ST8SIA1: variants seen among roughly 807,000 people sequenced by gnomAD.
ST8SIA1 encodes alpha-N-acetylneuraminide alpha-2,8-sialyltransferase.
ST8SIA1 carries 16 observed loss-of-function variants against 35.9 expected under a neutral mutation model. That is an observed-to-expected ratio of 0.45 (90% CI 0.30 to 0.68). ST8SIA1 has a LOEUF of 0.68. Ranked by LOEUF, ST8SIA1 falls within the 30% of genes least tolerant of loss-of-function variation. The pLI is 0.09. For synonymous variants in ST8SIA1, 170 were observed against 169.6 expected, an observed-to-expected ratio of 1.00 and a Z score of -0.02; for missense variants, 383 against 453.6, an observed-to-expected ratio of 0.84 and a Z score of 1.41.
chr12:22,288,902 T>G (rs950139434), intron 1 of ST8SIA1, among the ~76,000 whole-genome samples: 13 of 152,174 alleles, frequency 8.5e-5, no homozygotes, highest in Admixed American at 8.5e-4. Context: ...GTTGTTGTTG[T>G]CCTTGTTTTT....
intron 1 of ST8SIA1, among the ~76,000 whole-genome samples, chr12:22,309,600 C>T (rs1381969362): frequency 6.6e-6 from 1 of 152,142 alleles, no homozygotes; most frequent in Non-Finnish European, 1.5e-5. Context: ...CCACTCTGCT[C>T]AGTATAAATT....
At chr12:22,255,133 C>T (rs1172478482) in intron 3 of ST8SIA1, 147 bp downstream of exon 3, 1 of 669,808 alleles carries the variant, frequency 1.5e-6, no homozygotes, top group Non-Finnish European at 2.6e-6. Flanking sequence ...CTCCTAAACT[C>T]GCTTGTCTAT....
intron 2 of ST8SIA1, among the ~76,000 whole-genome samples, chr12:22,285,911 A>G (rs113195799): frequency 4.7e-4 from 71 of 150,598 alleles, no homozygotes; most frequent in African/African-American, 1.7e-3. Context: ...ATTTCCATGC[A>G]TTATCTAAGT....
At chr12:22,242,436 A>C (rs1169641844) in intron 4 of ST8SIA1, among the ~76,000 whole-genome samples, 1 of 152,194 alleles carries the variant, frequency 6.6e-6, no homozygotes. Flanking sequence ...CTAGATCTGC[A>C]CTTCTGAAAT....
intron 1 of ST8SIA1, among the ~76,000 whole-genome samples, chr12:22,313,512 A>T (rs1217203085): frequency 6.6e-6 from 1 of 152,188 alleles, no homozygotes; most frequent in Non-Finnish European, 1.5e-5. Context: ...GAGAAGCAAG[A>T]GGATTCTAGC....
At chr12:22,232,524 A>G (rs1463283675) in intron 4 of ST8SIA1, among the ~76,000 whole-genome samples, 1 of 152,192 alleles carries the variant, frequency 6.6e-6, no homozygotes, top group Non-Finnish European at 1.5e-5. Context: ...TTTAAGTTTG[A>G]TATTCATATT....
intron 4 of ST8SIA1, among the ~76,000 whole-genome samples, chr12:22,229,923 G>T (rs1865399069): frequency 6.6e-6 from 1 of 152,140 alleles, no homozygotes; most frequent in African/African-American, 2.4e-5. Context: ...AACAAAGGAA[G>T]ATAACAAGAA....
At chr12:22,215,024 C>T (rs1305541962) in intron 4 of ST8SIA1, among the ~76,000 whole-genome samples, 1 of 152,132 alleles carries the variant, frequency 6.6e-6, no homozygotes, top group Non-Finnish European at 1.5e-5. Flanking sequence ...GCCCTCCTGT[C>T]CTGTGAATTC....
chr12:22,292,258 C>A (rs1866185960), intron 1 of ST8SIA1, among the ~76,000 whole-genome samples: 1 of 152,106 alleles, frequency 6.6e-6, no homozygotes, highest in African/African-American at 2.4e-5. Flanking sequence ...CATCTTTGAT[C>A]CAATCACAAT....
intron 3 of ST8SIA1, among the ~76,000 whole-genome samples, 173 bp downstream of exon 3, chr12:22,255,107 C>T (rs888812857): frequency 4.6e-5 from 7 of 152,112 alleles, no homozygotes; most frequent in African/African-American, 1.7e-4. Context: ...CATGTTCCCT[C>T]GCTCCCCTTA....
chr12:22,253,821 C>A (rs1865699397), intron 3 of ST8SIA1, among the ~76,000 whole-genome samples: 1 of 152,158 alleles, frequency 6.6e-6, no homozygotes, highest in Non-Finnish European at 1.5e-5. Flanking sequence ...TCTAGACTCT[C>A]CTGCAGGCTT....
At chr12:22,321,076 C>G (rs116283443) in intron 1 of ST8SIA1, among the ~76,000 whole-genome samples, 1,643 of 150,482 alleles carry the variant, frequency 0.011, 35 homozygotes, top group African/African-American at 0.038. Context: ...GCAGAATCAA[C>G]CAGACACCAG....
At chr12:22,280,924 T>G (rs1240734642) in intron 2 of ST8SIA1, among the ~76,000 whole-genome samples, 1 of 152,218 alleles carries the variant, frequency 6.6e-6, no homozygotes, top group Non-Finnish European at 1.5e-5. Flanking sequence ...GCTCTTTTAC[T>G]TTACTGTAAT....
chr12:22,324,400 C>A (rs562182287), intron 1 of ST8SIA1: 22 of 152,208 alleles, frequency 1.4e-4, no homozygotes, highest in African/African-American at 5.3e-4. Context: ...CATCTTTATT[C>A]ATAAAAGTGA....
At chr12:22,310,045 G>A (rs1166421628) in intron 1 of ST8SIA1, among the ~76,000 whole-genome samples, 2 of 152,148 alleles carry the variant, frequency 1.3e-5, no homozygotes, top group African/African-American at 2.4e-5. Context: ...GAGGCTTGGA[G>A]ATTACACAGC....
intron 1 of ST8SIA1, among the ~76,000 whole-genome samples, chr12:22,300,298 G>T (rs1344564572): frequency 6.6e-6 from 1 of 152,096 alleles, no homozygotes; most frequent in Non-Finnish European, 1.5e-5. Flanking sequence ...AGAAATTAAA[G>T]CTATTCAACT....
intron 4 of ST8SIA1, among the ~76,000 whole-genome samples, chr12:22,203,215 G>A (rs1336722498): frequency 2.0e-5 from 3 of 152,102 alleles, no homozygotes; most frequent in Admixed American, 1.3e-4. Context: ...AAGAGAGGGA[G>A]AGAGAAGGGT....
At chr12:22,207,473 C>CA (rs535369970) in intron 4 of ST8SIA1, among the ~76,000 whole-genome samples, 189 of 151,524 alleles carry the variant, frequency 1.2e-3, no homozygotes, top group Middle Eastern at 3.4e-3. Flanking sequence ...TCACATGTGA[C>CA]AAAAAAAATC....
intron 4 of ST8SIA1, among the ~76,000 whole-genome samples, chr12:22,245,712 T>C (rs1299683478): frequency 6.6e-6 from 1 of 152,128 alleles, no homozygotes; most frequent in Non-Finnish European, 1.5e-5. Context: ...AGCTTCAGAG[T>C]GGGGGGCTGG....
Sources: allele counts gnomAD v4.1 joint callset (sites outside exome capture counted in the v4.1 genomes callset), GRCh38; gene constraint gnomAD v4.1.1; transcripts MANE v1.5; gene names NCBI Gene and HGNC (gene_info 2026-07-23, HGNC 2026-07-21).